The following NELL2 variants were observed in gnomAD, a reference collection of about 807,000 sequenced individuals.
NELL2 encodes the protein neural EGFL like 2, also known as protein kinase C-binding protein NELL2.
Under a neutral mutation model 109.6 loss-of-function variants are expected in NELL2, and 41 were observed. That is an observed-to-expected ratio of 0.37 (90% CI 0.29 to 0.49). The LOEUF is 0.49. Among genes scored for constraint, NELL2 ranks in the 20% least tolerant of loss-of-function variants. NELL2 has a pLI of 0.98. For missense variants in NELL2, 900 were observed against 1,008.3 expected, an observed-to-expected ratio of 0.89 and a Z score of 1.45; for synonymous variants, 355 against 344.7, an observed-to-expected ratio of 1.03 and a Z score of -0.33.
rs918922248 is a variant in NELL2 at position 44,851,931 on chromosome 12, T to G, written c.184+23294A>C. The G allele has an allele frequency of 2.6e-5, 4 of 152,358 alleles. No individual in the cohort carries two copies. In the South Asian group the frequency reaches 8.3e-4, roughly 32 times the overall value. The allele number at this position is 152,358 out of a possible 1,614,324, so 9.4% of individuals were successfully genotyped here. A position where few individuals can be genotyped will look rare whatever the true frequency, so the allele number is the denominator to read the frequency against. On this transcript the variant is annotated intron_variant, in intron 2 of 19. Transcript: ENST00000429094. Reference sequence around the variant, plus strand: ...CCTACAATGCCATAAGAACAGATTTTGCCCTTCAAAAGCATTTGATCTTTT... The same window carrying G: ...CCTACAATGCCATAAGAACAGATTTGGCCCTTCAAAAGCATTTGATCTTTT...
At chr12:44,655,925 G>A (rs17573326) in intron 13 of NELL2, among the ~76,000 whole-genome samples, 24,559 of 152,048 alleles carry the variant, frequency 0.16, 2,035 homozygotes, top group East Asian at 0.21. Flanking sequence ...GCTGATATAT[G>A]CCACAATTTC....
chr12:44,523,357 T>C lies in NELL2; in HGVS notation c.1932A>G (p.Gly644=). Residue 644 remains glycine, a synonymous_variant, in exon 17 of 20, where the codon GGA becomes GGG. Transcript: ENST00000429094. ...KNCTGDCIHD[G]KVKHNGQIWV... is the part of the protein sequence containing the mutation. ...AAATCTGACCATTGTGCTTAACTTT[T>C]CCATCATGGATGCAGTCCCCTGTGC... 6.2e-7 allele frequency: 1 copy of C among 1,614,196 alleles called. No individual in the cohort carries two copies.
chr12:44,901,992 A>G (rs970032198), intron 1 of NELL2, among the ~76,000 whole-genome samples: 2 of 152,220 alleles, frequency 1.3e-5, no homozygotes, highest in Non-Finnish European at 2.9e-5. Context: ...AAACTGGCAC[A>G]AGACAAGGAT....
chr12:44,568,020 T>C (rs1465949968), intron 15 of NELL2, among the ~76,000 whole-genome samples: 1 of 152,074 alleles, frequency 6.6e-6, no homozygotes, highest in African/African-American at 2.4e-5. Flanking sequence ...AATAACTAAT[T>C]GAAGACTTGA....
At chr12:44,877,945 C>G (rs1423805290), upstream of NELL2, among the ~76,000 whole-genome samples, 2 of 152,048 alleles carry the variant, frequency 1.3e-5, no homozygotes, top group Admixed American at 6.5e-5. Flanking sequence ...AATTAAAGAC[C>G]TTTCTACAGC....
At chr12:44,653,541 T>C (rs144344200) in intron 13 of NELL2, among the ~76,000 whole-genome samples, 56 of 152,286 alleles carry the variant, frequency 3.7e-4, no homozygotes, top group African/African-American at 1.3e-3. Context: ...TTTTTGCAAA[T>C]CATTTTTTAA....
intron 9 of NELL2, among the ~76,000 whole-genome samples, chr12:44,771,671 C>T (rs1941556034): frequency 1.3e-5 from 2 of 152,208 alleles, no homozygotes; most frequent in Non-Finnish European, 2.9e-5. Flanking sequence ...TAAGCCCCTC[C>T]TCCCAATGCT....
chr12:44,539,204 A>G (rs1019642763), intron 15 of NELL2, among the ~76,000 whole-genome samples: 1 of 152,200 alleles, frequency 6.6e-6, no homozygotes, highest in African/African-American at 2.4e-5. Context: ...CTTAATTAAT[A>G]TAATTTTAAT....
At chr12:44,864,785 T>G (rs878986931) in intron 2 of NELL2, among the ~76,000 whole-genome samples, 3 of 152,214 alleles carry the variant, frequency 2.0e-5, no homozygotes, top group Admixed American at 2.0e-4. Flanking sequence ...CAAGTGCACA[T>G]GGAACACACT....
chr12:44,750,405 A>G (rs1592459385), intron 9 of NELL2, among the ~76,000 whole-genome samples: 2 of 152,196 alleles, frequency 1.3e-5, no homozygotes, highest in African/African-American at 4.8e-5. Flanking sequence ...TAGAGGATTC[A>G]CTGACAGGAA....
At chr12:44,541,886 A>G (rs1942589445) in intron 15 of NELL2, among the ~76,000 whole-genome samples, 2 of 152,238 alleles carry the variant, frequency 1.3e-5, no homozygotes, top group African/African-American at 4.8e-5. Context: ...TTAAGCAATG[A>G]AAGTTTAAGT....
At chr12:44,686,178 C>T (rs908957229) in intron 12 of NELL2, among the ~76,000 whole-genome samples, 1 of 152,208 alleles carries the variant, frequency 6.6e-6, no homozygotes, top group Non-Finnish European at 1.5e-5. Flanking sequence ...TCTTCCATCG[C>T]TGATACCCTT....
chr12:44,666,775 G>T (rs191178884), intron 12 of NELL2, among the ~76,000 whole-genome samples: 1 of 152,206 alleles, frequency 6.6e-6, no homozygotes, highest in Admixed American at 6.5e-5. Context: ...TCTTATCTGA[G>T]CCTACAAAAT....
intron 15 of NELL2, among the ~76,000 whole-genome samples, chr12:44,587,184 A>G (rs1336930324): frequency 6.7e-6 from 1 of 149,038 alleles, no homozygotes; most frequent in Non-Finnish European, 1.5e-5. Context: ...AGGCAGGAGA[A>G]TGGTGTGAAC....
intron 1 of NELL2, among the ~76,000 whole-genome samples, chr12:44,907,714 T>C (rs1215437913): frequency 1.3e-5 from 2 of 152,096 alleles, no homozygotes; most frequent in African/African-American, 2.4e-5. Flanking sequence ...GTCTTTGTTT[T>C]TTTGTTTTAA....
intron 3 of NELL2, among the ~76,000 whole-genome samples, chr12:44,808,151 A>T (rs1943065260): frequency 6.6e-6 from 1 of 152,096 alleles, no homozygotes; most frequent in Admixed American, 6.6e-5. Flanking sequence ...CAGTCAACTG[A>T]TTCATTCTTT....
intron 15 of NELL2, among the ~76,000 whole-genome samples, chr12:44,581,575 T>G (rs1944323641): frequency 6.6e-6 from 1 of 152,198 alleles, no homozygotes; most frequent in Non-Finnish European, 1.5e-5. Context: ...AAAAATATTA[T>G]GTACAAAACC....
At chr12:44,851,415 C>G (rs922538573) in intron 2 of NELL2, among the ~76,000 whole-genome samples, 6 of 152,132 alleles carry the variant, frequency 3.9e-5, no homozygotes, top group Non-Finnish European at 5.9e-5. Context: ...TCTAAAACCT[C>G]AGACAAGCCA....
chr12:44,811,726 T>C (rs73088920), intron 3 of NELL2, among the ~76,000 whole-genome samples: 29,647 of 151,948 alleles, frequency 0.2, 3,110 homozygotes, highest in South Asian at 0.29. Flanking sequence ...AAATAGCCCA[T>C]ATGGAGATAA....
Sources: allele counts gnomAD v4.1 joint callset (sites outside exome capture counted in the v4.1 genomes callset), GRCh38; gene constraint gnomAD v4.1.1; transcripts MANE v1.5; gene names NCBI Gene and HGNC (gene_info 2026-07-23, HGNC 2026-07-21).